Variants in SRRM4 observed in about 807,000 individuals in gnomAD.
SRRM4 encodes serine/arginine repetitive matrix protein 4.
Under a neutral mutation model 68.9 loss-of-function variants are expected in SRRM4, and 33 were observed. The observed-to-expected ratio is 0.48, with a 90% CI of 0.36 to 0.64. The LOEUF (loss-of-function observed/expected upper bound fraction) is 0.64, where lower values mean the gene tolerates loss of function less well. Ranked by LOEUF, SRRM4 falls within the 30% of genes least tolerant of loss-of-function variation. The pLI is 0.00. For missense variants in SRRM4, 817 were observed against 827.1 expected (o/e 0.99, Z 0.15); for synonymous variants, 318 against 318.8 (o/e 1.00, Z 0.03).
chr12:119,025,204 A>G (rs1285265947), intron 1 of SRRM4, among the ~76,000 whole-genome samples: 1 of 152,148 alleles, frequency 6.6e-6, no homozygotes, highest in South Asian at 2.1e-4. Context: ...ATGTTAGCCA[A>G]ACATGGAGTG....
At chr12:119,039,675 G>A (rs955518933) in intron 1 of SRRM4, among the ~76,000 whole-genome samples, 2 of 152,102 alleles carry the variant, frequency 1.3e-5, no homozygotes, top group African/African-American at 4.8e-5. Context: ...TAAACCACAT[G>A]GCAGATTAAT....
intron 1 of SRRM4, among the ~76,000 whole-genome samples, chr12:119,012,627 G>A (rs181111476): frequency 9.9e-5 from 15 of 152,122 alleles, no homozygotes; most frequent in Middle Eastern, 3.4e-3. Context: ...ACTGAGTCCC[G>A]CTCTCTTTCT....
intron 1 of SRRM4, among the ~76,000 whole-genome samples, chr12:118,984,024 G>A (rs1195042137): frequency 1.3e-5 from 2 of 152,184 alleles, no homozygotes; most frequent in African/African-American, 4.8e-5. Context: ...GTCACGCTAG[G>A]AGAATCCTGT....
chr12:119,120,327 A>C, intron 5 of SRRM4, 51 bp downstream of exon 5: 1 of 1,545,130 alleles, frequency 6.5e-7, no homozygotes, highest in South Asian at 1.2e-5. Context: ...TTTCTCAGCC[A>C]GCTTGGGGCA....
At chr12:119,044,030 C>A (rs899296552) in intron 1 of SRRM4, among the ~76,000 whole-genome samples, 1 of 152,094 alleles carries the variant, frequency 6.6e-6, no homozygotes, top group African/African-American at 2.4e-5. Flanking sequence ...CCACACCCAG[C>A]TAATTTTGTA....
intron 1 of SRRM4, among the ~76,000 whole-genome samples, chr12:119,031,702 G>A (rs879848966): frequency 9.2e-5 from 14 of 151,944 alleles, no homozygotes; most frequent in Non-Finnish European, 1.6e-4. Context: ...CAATTTGATA[G>A]GAAAACCATG....
chr12:119,102,375 G>A lies in SRRM4; in HGVS notation c.271G>A (p.Gly91Arg), dbSNP rs1470158668. ...KTCRELGATR[G>R]HSASHDKDLT... is the part of the protein sequence containing the mutation. ...CTGTCGGGAACTGGGTGCCACCAGA[G>A]GACACAGGTGAGATCCAATGAGGAC... Residue 91 changes from glycine (G) to arginine (R), a missense_variant, in exon 2 of 13, where the codon GGA becomes AGA. Physicochemically the swap from Gly to Arg is moderately radical, Grantham distance 125. Coordinates refer to ENST00000267260, the MANE Select transcript of SRRM4 (RefSeq NM_194286.4). 59 of 1,611,148 alleles carry A rather than the reference G, an allele frequency of 3.7e-5. No individual in the cohort carries two copies. Among genetic ancestry groups the A allele is most frequent in the Non-Finnish European group, 4.8e-5 (57 of 1,178,600 alleles).
intron 2 of SRRM4, among the ~76,000 whole-genome samples, chr12:119,105,191 T>A (rs981699682): frequency 6.6e-6 from 1 of 152,088 alleles, no homozygotes; most frequent in East Asian, 1.9e-4. Flanking sequence ...GGTGTATATG[T>A]GCCACACTTT....
chr12:119,045,020 C>A (rs776902302), intron 1 of SRRM4, among the ~76,000 whole-genome samples: 2 of 152,148 alleles, frequency 1.3e-5, no homozygotes, highest in African/African-American at 4.8e-5. Context: ...GGATTGTTCA[C>A]GAGAATCAAT....
chr12:119,020,868 G>A (rs1275220248), intron 1 of SRRM4, among the ~76,000 whole-genome samples: 4 of 152,224 alleles, frequency 2.6e-5, no homozygotes. Context: ...CTGGGAGAGG[G>A]TGTGTTCTCT....
chr12:119,144,119 G>A (rs967096898), intron 8 of SRRM4, among the ~76,000 whole-genome samples: 1 of 152,092 alleles, frequency 6.6e-6, no homozygotes, highest in African/African-American at 2.4e-5. Context: ...ATCAGCCCTA[G>A]ACAGGGTTCT....
intron 2 of SRRM4, among the ~76,000 whole-genome samples, chr12:119,110,936 A>G (rs1258706996): frequency 6.6e-6 from 1 of 152,196 alleles, no homozygotes; most frequent in Non-Finnish European, 1.5e-5. Context: ...AGCTCTTCCT[A>G]TTCGGCCACC....
rs1050724771 is a variant in SRRM4, at chr12:119,042,121, A to C, written c.131+60108A>C. ...CTCCAAGACTTTCCCAAGAACACGC[A>C]GTCAGTGGCAGAGCTAGGAACAAGA... On this transcript the variant is annotated intron_variant, in intron 1 of 12. Coordinates refer to ENST00000267260, the MANE Select transcript of SRRM4 (RefSeq NM_194286.4). Among the ~76,000 whole-genome samples the C allele has an allele frequency of 3.2e-4, 48 of 152,288 alleles. 1 individual carries two copies. The highest frequency in any genetic ancestry group is 1.2e-3 in the African/African-American group (48 of 41,566).
chr12:119,043,430 T>A (rs1424363915), intron 1 of SRRM4, among the ~76,000 whole-genome samples: 1 of 152,130 alleles, frequency 6.6e-6, no homozygotes, highest in Non-Finnish European at 1.5e-5. Flanking sequence ...GGATAGCTAA[T>A]GCATGTGGGG....
chr12:119,113,554 G>GT (rs1954157708), intron 2 of SRRM4, among the ~76,000 whole-genome samples: 1 of 152,176 alleles, frequency 6.6e-6, no homozygotes, highest in South Asian at 2.1e-4. Context: ...AATATTAGTA[G>GT]TAAGATTATG....
chr12:119,085,670 A>C (rs939244968), intron 1 of SRRM4, among the ~76,000 whole-genome samples: 7 of 152,224 alleles, frequency 4.6e-5, no homozygotes, highest in African/African-American at 1.4e-4. Flanking sequence ...TCCAATCTGC[A>C]TTTTGGAAAA....
intron 1 of SRRM4, among the ~76,000 whole-genome samples, chr12:119,011,250 A>G (rs193078679): frequency 1.3e-5 from 2 of 150,858 alleles, no homozygotes; most frequent in Admixed American, 1.3e-4. Context: ...ACAAATAAAC[A>G]AAGTACTATG....
intron 1 of SRRM4, among the ~76,000 whole-genome samples, chr12:119,070,901 G>C (rs922429184): frequency 1.3e-5 from 2 of 152,288 alleles, no homozygotes; most frequent in African/African-American, 2.4e-5. Flanking sequence ...AGAAATGCCA[G>C]ATCTGCCCCG....
At chr12:119,057,224 A>C (rs1953782261) in intron 1 of SRRM4, among the ~76,000 whole-genome samples, 1 of 152,162 alleles carries the variant, frequency 6.6e-6, no homozygotes, top group Admixed American at 6.5e-5. Flanking sequence ...CATGTGCAGG[A>C]TGCGCAGGTT....
Sources: gnomAD v4.1 joint callset for allele counts (sites outside exome capture counted in the v4.1 genomes callset) on GRCh38, gnomAD v4.1.1 for gene constraint, MANE v1.5 for transcripts, NCBI Gene and HGNC (gene_info 2026-07-23, HGNC 2026-07-21) for gene names.